The following CLMN variants were observed in gnomAD, a reference collection of about 807,000 sequenced individuals.
CLMN encodes calmin, also known as calmin (calponin-like, transmembrane).
In CLMN, 57 loss-of-function variants were observed where a neutral mutation model predicts 92.7. The ratio of observed to expected loss-of-function variants is 0.61; its 90% confidence interval spans 0.50 to 0.77. The LOEUF (loss-of-function observed/expected upper bound fraction) is 0.77. CLMN is among the 30% of genes least tolerant of loss of function. The probability of loss-of-function intolerance (pLI) is 0.00; values close to 1 mark genes in which losing one functional copy is unlikely to be tolerated. For synonymous variants in CLMN, 466 were observed against 470.6 expected, an observed-to-expected ratio of 0.99 and a Z score of 0.13; for missense variants, 1,158 against 1,237.5, an observed-to-expected ratio of 0.94 and a Z score of 0.96.
At chr14:95,272,251 C>T (rs1023938822) in intron 1 of CLMN, among the ~76,000 whole-genome samples, 1 of 152,152 alleles carries the variant, frequency 6.6e-6, no homozygotes, top group African/African-American at 2.4e-5. Context: ...GAGGAGGAGC[C>T]TGCCAGGAGG....
Position 95,319,826 on chromosome 14 carries a change from C to CGCGGGCG in CLMN, c.-41_-35dup. 7.7e-7 allele frequency: 1 copy of CGCGGGCG among 1,305,946 alleles called. No individual in the cohort carries two copies. The highest frequency in any genetic ancestry group is 9.8e-7 in the Non-Finnish European group (1 of 1,022,006). The allele number at this position is 1,305,946 out of a possible 1,614,324, so 80.9% of individuals were successfully genotyped here. Reference sequence around the variant, plus strand: ...GGCGGGAGAGCCCGGGCCAGCGCGGCGCGGGCGGCGGGCGCGGAGAGCCTG... The same window carrying CGCGGGCG: ...GGCGGGAGAGCCCGGGCCAGCGCGGCGCGGGCGGCGGGCGGCGGGCGCGGAGAGCCTG... On this transcript the variant is annotated 5_prime_UTR_variant, in exon 1 of 13. Coordinates refer to ENST00000298912, the MANE Select transcript of CLMN (RefSeq NM_024734.4).
In CLMN at chr14:95,215,625, A is replaced by G. The variant is rs761024215; in HGVS notation, c.417+16T>C. 5 of 1,608,156 alleles carry G rather than the reference A, an allele frequency of 3.1e-6. No homozygotes were observed. The highest frequency in any genetic ancestry group is 3.3e-5 in the Admixed American group (2 of 60,012). On this transcript the variant is annotated intron_variant, in intron 5 of 12. Coordinates refer to ENST00000298912, the MANE Select transcript of CLMN (RefSeq NM_024734.4). ...CAAGATCATGATTGTGTGTTTTGGAAAAGAAATGATCTTACCTGGAAGAAG... is the reference window on the plus strand; with the variant it reads ...CAAGATCATGATTGTGTGTTTTGGAGAAGAAATGATCTTACCTGGAAGAAG...
chr14:95,220,263 G>A (rs917178812), intron 4 of CLMN, among the ~76,000 whole-genome samples: 4 of 133,590 alleles, frequency 3.0e-5, no homozygotes, highest in African/African-American at 5.6e-5. Context: ...TGAAACGTCC[G>A]CCTCCAGGGC....
intron 9 of CLMN, among the ~76,000 whole-genome samples, chr14:95,200,430 C>T (rs187934076): frequency 5.3e-5 from 8 of 152,314 alleles, no homozygotes; most frequent in Admixed American, 5.2e-4. Flanking sequence ...AGCAGGTGAG[C>T]TCATGGAGGG....
rs1896396440 is a variant in CLMN, at chr14:95,184,503, T to C, written c.*7061A>G. 6.6e-6 allele frequency: 1 copy of C among 152,208 alleles called. No homozygotes were observed. Among genetic ancestry groups the C allele is most frequent in the Non-Finnish European group, 1.5e-5 (1 of 68,024 alleles). The allele number at this position is 152,208 out of a possible 1,614,324, so 9.4% of individuals were successfully genotyped here. On this transcript the variant is annotated 3_prime_UTR_variant, in exon 13 of 13. Transcript: ENST00000298912. ...CAAAATACTGGTTGTCTTTTTCCCA[T>C]AGACAAGAATGTTTTTTGGCATGTT...
Position 95,256,741 on chromosome 14 carries a change from A to C in CLMN, c.83-26608T>G, listed in dbSNP as rs574661247. Among the ~76,000 whole-genome samples the C allele has an allele frequency of 1.3e-5, 2 of 152,310 alleles. No homozygotes were observed. Among genetic ancestry groups the C allele is most frequent in the East Asian group, 3.9e-4 (2 of 5,188 alleles). ...GCTGGGATGGGAGAGAAATTGCCAA[A>C]TGTAGGGCCCTGGTCCACATTGCAC... is the stretch of plus-strand genomic sequence containing the variant. On this transcript the variant is annotated intron_variant, in intron 1 of 12. Transcript: ENST00000298912. The surrounding 1 kb of genome is among the most constrained non-coding windows in gnomAD (Gnocchi z 4.9).
rs565421324 is a variant in CLMN, at chr14:95,182,202, G to A, written c.*9362C>T. On this transcript the variant is annotated 3_prime_UTR_variant, in exon 13 of 13. Coordinates refer to ENST00000298912, the MANE Select transcript of CLMN (RefSeq NM_024734.4). ...GCTACAGCTATGTATATCCTAAATA[G>A]ACAAAAATAATCCTTGTACTACAAA... 9.9e-5 allele frequency: 15 copies of A among 152,044 alleles called. No homozygotes were observed. The highest frequency in any genetic ancestry group is 3.4e-3 in the Middle Eastern group (1 of 294). The allele number at this position is 152,044 out of a possible 1,614,324, so 9.4% of individuals were successfully genotyped here. A position where few individuals can be genotyped will look rare whatever the true frequency, so the allele number is the denominator to read the frequency against.
intron 1 of CLMN, chr14:95,260,434 T>G (rs1899204763): frequency 2.0e-5 from 3 of 149,528 alleles, no homozygotes; most frequent in Admixed American, 2.0e-4. Flanking sequence ...AGAGCCAGAC[T>G]CTGTCTAAAA....
At chr14:95,318,818 T>C (rs571965220) in intron 1 of CLMN, among the ~76,000 whole-genome samples, 34 of 152,318 alleles carry the variant, frequency 2.2e-4, no homozygotes, top group Non-Finnish European at 4.7e-4. Context: ...GAGATACAGT[T>C]CCATGAAGAA....
chr14:95,210,944 C>T (rs1183529125), intron 6 of CLMN, 65 bp from the exon 7 acceptor site: 1 of 1,458,860 alleles, frequency 6.9e-7, no homozygotes, highest in African/African-American at 1.5e-5. Flanking sequence ...GGTGCAAGGT[C>T]AGCATGCAGC....
At position 95,230,208 on chromosome 14, in the gene CLMN, G is replaced by A. The variant is rs559615762; in HGVS notation, c.83-75C>T. On this transcript the variant is annotated intron_variant, in intron 1 of 12. Transcript: ENST00000298912. ...AATCACACCTTCCCCTTCCCAAGGG[G>A]AGATTCTAGGTGGAGGGCAGACAGA... The A allele has an allele frequency of 8.7e-5, 118 of 1,356,674 alleles. No homozygotes were observed. In the South Asian group the frequency reaches 1.2e-3, roughly 14 times the overall value. 84.0% of individuals were successfully genotyped at this position (1,356,674 alleles called of 1,614,324 possible).
intron 7 of CLMN, 92 bp downstream of exon 7, chr14:95,210,594 T>C: frequency 7.4e-7 from 1 of 1,348,670 alleles, no homozygotes; most frequent in Non-Finnish European, 1.0e-6. Context: ...CTTCATTAGA[T>C]TTTTCTGTAT....
rs1009316111 is a variant in CLMN, at chr14:95,256,415, A to G, written c.83-26282T>C. Among the ~76,000 whole-genome samples the G allele has an allele frequency of 6.6e-6, 1 of 152,208 alleles. No individual in the cohort carries two copies. The highest frequency in any genetic ancestry group is 2.4e-5 in the African/African-American group (1 of 41,462). Reference sequence around the variant, plus strand: ...TACCAACGACACTGTGACTCAACAGATAATTGCAGTGCTTGACACTGAGAA... The same window carrying G: ...TACCAACGACACTGTGACTCAACAGGTAATTGCAGTGCTTGACACTGAGAA... On this transcript the variant is annotated intron_variant, in intron 1 of 12. Coordinates refer to ENST00000298912, the MANE Select transcript of CLMN (RefSeq NM_024734.4). The surrounding 1 kb of genome is among the most constrained non-coding windows in gnomAD (Gnocchi z 4.9).
intron 1 of CLMN, among the ~76,000 whole-genome samples, chr14:95,262,776 A>G (rs557431522): frequency 6.6e-6 from 1 of 152,260 alleles, no homozygotes; most frequent in African/African-American, 2.4e-5. Context: ...TATGTTGCCC[A>G]GTCTGGTCTC....
chr14:95,236,009 A>T (rs1898042931), intron 1 of CLMN, among the ~76,000 whole-genome samples: 2 of 152,308 alleles, frequency 1.3e-5, no homozygotes, highest in African/African-American at 4.8e-5. Flanking sequence ...AGACATTTGA[A>T]TGGGTGAGCC....
Position 95,223,817 on chromosome 14 carries a change from A to G in CLMN, c.183T>C (p.Asp61=). 1 of 1,613,804 alleles carries G rather than the reference A, an allele frequency of 6.2e-7. No individual in the cohort carries two copies. Among genetic ancestry groups the G allele is most frequent in the Non-Finnish European group, 8.5e-7 (1 of 1,179,960 alleles). The stretch of plus-strand genomic sequence containing the variant: ...CCATTAGGATTTTGCCATCTTGTAT[A>G]TCGACGAATAAATCTTTAACTTCTA... ...PPLEVKDLFV[D]IQDGKILMAL... The change falls in exon 3 of 13, where the codon GAT becomes GAC. Residue 61 remains aspartate (D), a synonymous_variant. Coordinates refer to ENST00000298912, the MANE Select transcript of CLMN (RefSeq NM_024734.4).
chr14:95,245,251 T>TA (rs1387990414), intron 1 of CLMN, among the ~76,000 whole-genome samples: 22 of 36,864 alleles, frequency 6.0e-4, no homozygotes, highest in South Asian at 1.5e-3. Flanking sequence ...TATATATATA[T>TA]ATAATATATA....
At chr14:95,217,369 A>G (rs1418586819) in intron 4 of CLMN, among the ~76,000 whole-genome samples, 1 of 152,142 alleles carries the variant, frequency 6.6e-6, no homozygotes, top group African/African-American at 2.4e-5. Flanking sequence ...GACAACACCA[A>G]TCATTTAGGC....
intron 1 of CLMN, among the ~76,000 whole-genome samples, chr14:95,253,128 C>T (rs1898854823): frequency 1.3e-5 from 2 of 152,188 alleles, no homozygotes; most frequent in Admixed American, 1.3e-4. Context: ...TCTTCCCCTC[C>T]AAAAACCCTC....
Sources: allele counts gnomAD v4.1 joint callset (sites outside exome capture counted in the v4.1 genomes callset), GRCh38; gene constraint gnomAD v4.1.1; non-coding constraint Gnocchi (gnomAD v3.1); transcripts MANE v1.5; gene names NCBI Gene and HGNC (gene_info 2026-07-23, HGNC 2026-07-21).